The following MYO1D variants were observed in gnomAD, a reference collection of about 807,000 sequenced individuals.
MYO1D encodes the protein unconventional myosin-Id.
Under a neutral mutation model 122.0 loss-of-function variants are expected in MYO1D, and 83 were observed. The observed-to-expected ratio is 0.68, with a 90% CI of 0.57 to 0.82. The LOEUF (loss-of-function observed/expected upper bound fraction) is 0.82. Ranked by LOEUF, MYO1D falls within the 40% of genes least tolerant of loss-of-function variation. The pLI is 0.00. For synonymous variants in MYO1D, 464 were observed against 446.9 expected (o/e 1.04, Z -0.48); for missense variants, 1,157 against 1,269.5 (o/e 0.91, Z 1.35).
At chr17:32,730,060 CTTTT>C (rs1355868958) in intron 14 of MYO1D, among the ~76,000 whole-genome samples, 1 of 148,918 alleles carries the variant, frequency 6.7e-6, no homozygotes, top group Non-Finnish European at 1.5e-5. Context: ...TTCCCATGTT[CTTTT>C]GTTTCTTCTT....
rs189839958 is a variant in MYO1D at position 32,857,039 on chromosome 17, A to G, written c.95+19739T>C. 1.2e-4 allele frequency among the ~76,000 whole-genome samples: 18 copies of G among 152,236 alleles called. No individual in the cohort carries two copies. The East Asian group carries it at 3.5e-3, about 29-fold the overall frequency. On this transcript the variant is annotated intron_variant, in intron 1 of 21. Coordinates refer to ENST00000318217, the MANE Select transcript of MYO1D (RefSeq NM_015194.3). ...CCTGTCAGTCTGGCTTCAAATTCAA[A>G]CTGCTTCTTAATCAGTTATGTGACT...
chr17:32,690,606 T>C (rs930291621), intron 16 of MYO1D, among the ~76,000 whole-genome samples: 3 of 152,146 alleles, frequency 2.0e-5, no homozygotes, highest in African/African-American at 7.2e-5. Flanking sequence ...ACGGAGCAGA[T>C]CCCTCATGAA....
intron 16 of MYO1D, among the ~76,000 whole-genome samples, chr17:32,671,865 T>C (rs1198793563): frequency 6.6e-6 from 1 of 152,226 alleles, no homozygotes; most frequent in Non-Finnish European, 1.5e-5. Context: ...AGTTCAATAA[T>C]ATGGATCCCG....
intron 16 of MYO1D, among the ~76,000 whole-genome samples, chr17:32,711,170 G>T (rs775149507): frequency 5.9e-5 from 9 of 152,110 alleles, no homozygotes; most frequent in Non-Finnish European, 2.9e-5. Flanking sequence ...GGGATACAAA[G>T]AAATACATGA....
chr17:32,867,267 A>C (rs1315032335), intron 1 of MYO1D, among the ~76,000 whole-genome samples: 1 of 150,606 alleles, frequency 6.6e-6, no homozygotes, highest in Non-Finnish European at 1.5e-5. Context: ...CGGAAGTTGC[A>C]GTCAGCTGAG....
chr17:32,553,099 AAAAC>A (rs1248408166), intron 21 of MYO1D, among the ~76,000 whole-genome samples: 40 of 118,032 alleles, frequency 3.4e-4, no homozygotes, highest in Non-Finnish European at 5.4e-4. Context: ...AACAAAAAAC[AAAAC>A]AAAAAAAAAA....
At chr17:32,811,616 CTTTTTTTTTT>C (rs755189217) in intron 1 of MYO1D, among the ~76,000 whole-genome samples, 613 of 57,538 alleles carry the variant, frequency 0.011, 6 homozygotes, top group African/African-American at 0.032. Context: ...CCCTCACCCT[CTTTTTTTTTT>C]TTTTTTTTTT....
chr17:32,843,148 C>G (rs2090900119), intron 1 of MYO1D, among the ~76,000 whole-genome samples: 1 of 152,118 alleles, frequency 6.6e-6, no homozygotes. Flanking sequence ...CCTCGGCCTC[C>G]CAAAGTGCTG....
chr17:32,644,460 G>C lies in MYO1D; in HGVS notation c.2596-5625C>G, dbSNP rs531060028. On this transcript the variant is annotated intron_variant, in intron 19 of 21. Coordinates refer to ENST00000318217, the MANE Select transcript of MYO1D (RefSeq NM_015194.3). ...TGGTGCAGAGCTGAGTTCAATTCCT[G>C]GATATCCTTGTTAACTTTCTGTCTC... 2.0e-5 allele frequency among the ~76,000 whole-genome samples: 3 copies of C among 152,208 alleles called. No individual in the cohort carries two copies. The East Asian group carries it at 5.8e-4, about 29-fold the overall frequency.
intron 6 of MYO1D, among the ~76,000 whole-genome samples, chr17:32,768,738 A>AT (rs1311093691): frequency 6.6e-6 from 1 of 152,188 alleles, no homozygotes; most frequent in Non-Finnish European, 1.5e-5. Flanking sequence ...ATAATAACAT[A>AT]TATCTTACAG....
At chr17:32,702,988 A>G (rs990544983) in intron 16 of MYO1D, among the ~76,000 whole-genome samples, 2 of 152,354 alleles carry the variant, frequency 1.3e-5, no homozygotes, top group Admixed American at 6.5e-5. Flanking sequence ...TGTAACTGTG[A>G]TGCTAAGTTA....
chr17:32,553,552 C>A (rs930477344), intron 21 of MYO1D, among the ~76,000 whole-genome samples: 2 of 152,138 alleles, frequency 1.3e-5, no homozygotes, highest in African/African-American at 4.8e-5. Context: ...GTTTTGATGG[C>A]ACAATGAAGG....
chr17:32,544,182 A>T (rs1597887319), intron 21 of MYO1D, among the ~76,000 whole-genome samples: 4 of 141,980 alleles, frequency 2.8e-5, no homozygotes, highest in Admixed American at 1.4e-4. Context: ...TGCAGCCTTG[A>T]CCTCCCGCAC....
At chr17:32,809,134 T>TTA (rs1555544312) in intron 1 of MYO1D, among the ~76,000 whole-genome samples, 104 of 134,570 alleles carry the variant, frequency 7.7e-4, no homozygotes, top group African/African-American at 2.3e-3. Context: ...TTGTTTTTGA[T>TTA]AAAAAAAAAA....
intron 20 of MYO1D, among the ~76,000 whole-genome samples, chr17:32,629,359 C>A (rs1478035249): frequency 4.6e-5 from 7 of 152,034 alleles, no homozygotes; most frequent in Non-Finnish European, 2.9e-5. Context: ...AAGAGTGAAC[C>A]TTTGTGGGCA....
rs1910942298 is a variant in MYO1D, at chr17:32,544,152, G to A, written c.2865-49237C>T. ...ACTCTGTTGCCCACACTGGAGTGCA[G>A]TGGCATGACCACTGCTCACTGCAGC... On this transcript the variant is annotated intron_variant, in intron 21 of 21. Coordinates refer to ENST00000318217, the MANE Select transcript of MYO1D (RefSeq NM_015194.3). 3.4e-5 allele frequency among the ~76,000 whole-genome samples: 5 copies of A among 148,750 alleles called. No homozygotes were observed. In the South Asian group the frequency reaches 1.1e-3, roughly 32 times the overall value.
intron 21 of MYO1D, chr17:32,495,538 G>A (rs1909062608): frequency 6.6e-6 from 1 of 152,554 alleles, no homozygotes; most frequent in African/African-American, 2.4e-5. Flanking sequence ...GGGAGCACAT[G>A]AAGGCGGCTT....
At chr17:32,791,363 CAAAAAAAA>C (rs60741553) in intron 1 of MYO1D, among the ~76,000 whole-genome samples, 1 of 49,488 alleles carries the variant, frequency 2.0e-5, no homozygotes, top group African/African-American at 6.5e-5. Flanking sequence ...GACTCCGTCT[CAAAAAAAA>C]AAAAAAAAAA....
intron 8 of MYO1D, 68 bp downstream of exon 8, chr17:32,764,810 T>A (rs2090038113): frequency 1.3e-6 from 2 of 1,488,936 alleles, no homozygotes; most frequent in African/African-American, 2.8e-5. Context: ...GAATACATGC[T>A]CACAGGATTT....
Sources: allele counts gnomAD v4.1 joint callset (sites outside exome capture counted in the v4.1 genomes callset), GRCh38; gene constraint gnomAD v4.1.1; transcripts MANE v1.5; gene names NCBI Gene and HGNC (gene_info 2026-07-23, HGNC 2026-07-21).